The following DYSF variants were observed in gnomAD, a reference collection of about 807,000 sequenced individuals.
The protein encoded by DYSF is dystrophy-associated fer-1-like 1.
A neutral mutation model predicts 274.9 loss-of-function variants in DYSF; 212 were observed. The observed-to-expected ratio is 0.77, with a 90% CI of 0.69 to 0.86. DYSF has a LOEUF of 0.86. Among genes scored for constraint, DYSF ranks in the 40% least tolerant of loss-of-function variants. DYSF has a pLI of 0.00. For synonymous variants in DYSF, 1,091 were observed against 1,078.7 expected (o/e 1.01, Z -0.22); for missense variants, 2,666 against 2,783.2 (o/e 0.96, Z 0.95).
At chr2:71,477,298 T>C in intron 1 of DYSF, among the ~76,000 whole-genome samples, 1 of 151,940 alleles carries the variant, frequency 6.6e-6, no homozygotes, top group Non-Finnish European at 1.5e-5. Context: ...ATGCTGTGAG[T>C]CATGGTGCCA....
At chr2:71,502,387 G>A (rs1304182308) in intron 3 of DYSF, among the ~76,000 whole-genome samples, 9 of 151,984 alleles carry the variant, frequency 5.9e-5, no homozygotes, top group Non-Finnish European at 1.3e-4. Flanking sequence ...AATGTTCAGG[G>A]TAAGTCCATT....
chr2:71,531,957 C>A (rs2088773035), intron 14 of DYSF, among the ~76,000 whole-genome samples: 1 of 152,272 alleles, frequency 6.6e-6, no homozygotes, highest in East Asian at 1.9e-4. Context: ...GGAATTTAAC[C>A]CTGCTTCTTC....
chr2:71,608,249 T>A (rs2093680867), intron 36 of DYSF, among the ~76,000 whole-genome samples: 1 of 149,286 alleles, frequency 6.7e-6, no homozygotes, highest in Non-Finnish European at 1.5e-5. Context: ...GGAGGGAGCC[T>A]GCAGAGAGGA....
At position 71,605,695 on chromosome 2, in the gene DYSF, C is replaced by T. The variant is rs185576150; in HGVS notation, c.3957+2890C>T. Among the ~76,000 whole-genome samples the T allele has an allele frequency of 4.0e-3, 610 of 152,218 alleles. 4 individuals are homozygous for T. The highest frequency in any genetic ancestry group is 0.014 in the African/African-American group (598 of 41,532). ...ATACCACTCCATCCACCCATCCAGG[C>T]TGCAGGGTATATGGCTTTTACTCTA... On this transcript the variant is annotated intron_variant, in intron 36 of 55. Transcript: ENST00000410020.
intron 12 of DYSF, among the ~76,000 whole-genome samples, chr2:71,525,312 C>A (rs1237080969): frequency 6.6e-6 from 1 of 152,146 alleles, no homozygotes; most frequent in African/African-American, 2.4e-5. Flanking sequence ...GCAACCTCTG[C>A]TTCCCAGGTT....
Position 71,548,784 on chromosome 2 carries a change from G to A in DYSF, c.1577-2257G>A, listed in dbSNP as rs1360121818. Among the ~76,000 whole-genome samples, 9 of 152,070 alleles carry A rather than the reference G, an allele frequency of 5.9e-5. No individual in the cohort carries two copies. In the East Asian group the frequency reaches 1.5e-3, roughly 26 times the overall value. ...TGCCAGTGCCTGCTGTTGTGAAAAC[G>A]CAACGTGGAGCCTTCAGGGGGGTGA... is the stretch of plus-strand genomic sequence containing the variant. On this transcript the variant is annotated intron_variant, in intron 17 of 55. Coordinates refer to ENST00000410020, the MANE Select transcript of DYSF (RefSeq NM_001130987.2).
At position 71,569,878 on chromosome 2, in the gene DYSF, C is replaced by T. The variant is rs398123776; in HGVS notation, c.2923C>T (p.Gln975Ter). 1.9e-6 allele frequency: 3 copies of T among 1,614,038 alleles called. No individual in the cohort carries two copies. The highest frequency in any genetic ancestry group is 2.5e-6 in the Non-Finnish European group (3 of 1,180,050). ...CTTCGTGGAAGAGGTGTTTGAGAAC[C>T]AGACCCGGCTTCCCGGAGGCCAGTG... ...LSFVEEVFEN[Q>*]TRLPGGQWIY... Residue 975 changes from glutamine to a stop codon, truncating the protein, a stop_gained, in exon 27 of 56, where the codon CAG (glutamine) becomes TAG (stop). Transcript: ENST00000410020. LOFTEE classifies it high-confidence loss of function.
At chr2:71,530,000 A>G (rs189302920) in intron 14 of DYSF, among the ~76,000 whole-genome samples, 32 of 143,606 alleles carry the variant, frequency 2.2e-4, no homozygotes, top group Admixed American at 2.0e-3. Flanking sequence ...CTCCTCAGAG[A>G]CTAGCACAGG....
chr2:71,611,434 C>A (rs1161446392), intron 37 of DYSF, 31 bp from the exon 38 acceptor site: 1 of 1,614,044 alleles, frequency 6.2e-7, no homozygotes, highest in African/African-American at 1.3e-5. Flanking sequence ...CCGGGGCCTT[C>A]TGAGCCACTC....
intron 23 of DYSF, among the ~76,000 whole-genome samples, chr2:71,562,706 G>A (rs1236190454): frequency 6.6e-6 from 1 of 152,200 alleles, no homozygotes; most frequent in Non-Finnish European, 1.5e-5. Flanking sequence ...CCAGGAGAGC[G>A]GTTGCTGGAG....
At chr2:71,668,007 G>T (rs2095048422) in intron 48 of DYSF, among the ~76,000 whole-genome samples, 1 of 152,250 alleles carries the variant, frequency 6.6e-6, no homozygotes, top group East Asian at 1.9e-4. Context: ...GAAGGGCGGG[G>T]ACCACAGAGA....
chr2:71,493,654 C>A (rs1455708093), intron 3 of DYSF, among the ~76,000 whole-genome samples: 1 of 151,992 alleles, frequency 6.6e-6, no homozygotes, highest in African/African-American at 2.4e-5. Context: ...GAGTTCAAGA[C>A]CAGCCTGGCC....
intron 3 of DYSF, 66 bp from the exon 4 acceptor site, chr2:71,503,148 G>T: frequency 7.1e-7 from 1 of 1,408,282 alleles, no homozygotes. Flanking sequence ...TGGCAGTGAG[G>T]GGTCTGGCAG....
chr2:71,453,942 C>T (rs1396134986), exon 1 of DYSF: 3 of 1,583,624 alleles, frequency 1.9e-6, no homozygotes, highest in Admixed American at 3.4e-5. Flanking sequence ...TCGGCCCTCC[C>T]GACCTTTCCG....
chr2:71,520,287 C>A, intron 11 of DYSF, 79 bp downstream of exon 11: 1 of 1,446,648 alleles, frequency 6.9e-7, no homozygotes, highest in Non-Finnish European at 9.7e-7. Flanking sequence ...GGGGTCCTCA[C>A]TGTCCCTCCT....
intron 41 of DYSF, among the ~76,000 whole-genome samples, chr2:71,638,361 C>CA (rs34513312): frequency 0.86 from 111,767 of 130,068 alleles, 48,618 homozygotes; most frequent in Non-Finnish European, 0.95. Context: ...CTCATCACTG[C>CA]AAAAAAAAAA....
upstream of DYSF, among the ~76,000 whole-genome samples, chr2:71,461,873 C>T (rs1419926074): frequency 6.6e-6 from 1 of 152,164 alleles, no homozygotes; most frequent in Non-Finnish European, 1.5e-5. Flanking sequence ...TTGTTTGCCT[C>T]CTGGACACCC....
intron 5 of DYSF, 99 bp from the exon 6 acceptor site, chr2:71,513,141 C>T (rs1000814480): frequency 2.4e-5 from 27 of 1,133,084 alleles, no homozygotes; most frequent in Admixed American, 4.0e-5. Context: ...CTGGGGTGGG[C>T]GGGGAAGGCA....
intron 36 of DYSF, among the ~76,000 whole-genome samples, chr2:71,610,077 G>A (rs1016460205): frequency 6.6e-6 from 1 of 152,190 alleles, no homozygotes; most frequent in African/African-American, 2.4e-5. Context: ...CTAAGGGGCT[G>A]CATTTCTAGC....
Sources: gnomAD v4.1 joint callset for allele counts (sites outside exome capture counted in the v4.1 genomes callset) on GRCh38, gnomAD v4.1.1 for gene constraint, MANE v1.5 for transcripts, NCBI Gene and HGNC (gene_info 2026-07-23, HGNC 2026-07-21) for gene names.